Variants in ZNF704 observed in about 807,000 individuals in gnomAD.
The protein encoded by ZNF704 is glucocorticoid induced gene 1.
ZNF704 carries 10 observed loss-of-function variants against 44.7 expected under a neutral mutation model. The ratio of observed to expected loss-of-function variants is 0.22; its 90% CI spans 0.14 to 0.38. The LOEUF is 0.38. Among genes scored for constraint, ZNF704 ranks in the 10% least tolerant of loss-of-function variants. ZNF704 has a pLI of 1.00. For synonymous variants in ZNF704, 211 were observed against 207.6 expected, an observed-to-expected ratio of 1.02 and a Z score of -0.14; for missense variants, 390 against 545.5, an observed-to-expected ratio of 0.71 and a Z score of 2.84.
intron 2 of ZNF704, among the ~76,000 whole-genome samples, chr8:80,794,330 C>G (rs983486507): frequency 2.6e-5 from 4 of 152,096 alleles, no homozygotes; most frequent in Non-Finnish European, 2.9e-5. Flanking sequence ...TAGAGACACT[C>G]ATATAGTAAT....
chr8:80,778,176 C>CAA (rs1435187119), intron 2 of ZNF704, among the ~76,000 whole-genome samples: 2 of 151,830 alleles, frequency 1.3e-5, no homozygotes, highest in African/African-American at 4.8e-5. Context: ...TGAAAGAAAA[C>CAA]ATTAAAAAGT....
chr8:80,720,598 T>G (rs1374086123), intron 2 of ZNF704, among the ~76,000 whole-genome samples: 1 of 152,234 alleles, frequency 6.6e-6, no homozygotes, highest in East Asian at 1.9e-4. Context: ...TGGCCCTTTT[T>G]TTGTTCTAAG....
rs1817627954 is a variant in ZNF704 at position 80,634,010 on chromosome 8, G to T, written c.*7356C>A. ...AAGCAAGGCTTCTGCTGTATCAGAGGTGAAGCAGTGGTAATTTTACTTGGT... is the reference window on the plus strand; with the variant it reads ...AAGCAAGGCTTCTGCTGTATCAGAGTTGAAGCAGTGGTAATTTTACTTGGT... On this transcript the variant is annotated 3_prime_UTR_variant, in exon 9 of 9. Coordinates refer to ENST00000327835, the MANE Select transcript of ZNF704 (RefSeq NM_001033723.3). The T allele has an allele frequency of 6.6e-6, 1 of 152,250 alleles. No homozygotes were observed. Among genetic ancestry groups the T allele is most frequent in the African/African-American group, 2.4e-5 (1 of 41,464 alleles). The allele number at this position is 152,250 out of a possible 1,614,324, so 9.4% of individuals were successfully genotyped here.
chr8:80,653,163 A>G (rs1010215043), intron 7 of ZNF704, among the ~76,000 whole-genome samples: 12 of 152,164 alleles, frequency 7.9e-5, no homozygotes, highest in African/African-American at 1.4e-4. Flanking sequence ...TTGATGGGAC[A>G]TATCTCAAAA....
intron 2 of ZNF704, among the ~76,000 whole-genome samples, chr8:80,740,815 T>C (rs1262591045): frequency 6.6e-6 from 1 of 152,238 alleles, no homozygotes; most frequent in Non-Finnish European, 1.5e-5. Flanking sequence ...CCCCCATCTA[T>C]TTGGCCAGGC....
chr8:80,659,813 T>C (rs1321067036), intron 6 of ZNF704, 124 bp from the exon 7 acceptor site: 2 of 792,590 alleles, frequency 2.5e-6, no homozygotes, highest in Non-Finnish European at 4.1e-6. Context: ...GGACTAATTA[T>C]CTAATAGGAA....
intron 2 of ZNF704, among the ~76,000 whole-genome samples, chr8:80,799,189 T>A (rs1026343299): frequency 6.6e-6 from 1 of 152,182 alleles, no homozygotes; most frequent in African/African-American, 2.4e-5. Flanking sequence ...ATTCAAACCA[T>A]AGGAACTGGA....
chr8:80,686,496 C>T (rs1341351366), intron 4 of ZNF704, among the ~76,000 whole-genome samples: 4 of 152,198 alleles, frequency 2.6e-5, no homozygotes, highest in Non-Finnish European at 5.9e-5. Context: ...ATCCTCCCAC[C>T]TCAGCCTCCT....
chr8:80,725,359 A>G (rs1806459358), intron 2 of ZNF704, among the ~76,000 whole-genome samples: 1 of 152,192 alleles, frequency 6.6e-6, no homozygotes, highest in Admixed American at 6.5e-5. Flanking sequence ...ATTGGAACAT[A>G]AACAATGACC....
upstream of ZNF704, among the ~76,000 whole-genome samples, chr8:80,879,042 C>T (rs561493977): frequency 6.6e-6 from 1 of 152,276 alleles, no homozygotes; most frequent in African/African-American, 2.4e-5. Context: ...CCATGGAACA[C>T]TAGTTAAGTC....
In ZNF704 at chr8:80,664,915, G is replaced by C. The variant is rs140769308; in HGVS notation, c.827C>G (p.Thr276Arg). The C allele has an allele frequency of 9.1e-5, 147 of 1,614,072 alleles. 2 individuals carry two copies. In the Middle Eastern group the frequency reaches 1.6e-3, roughly 18 times the overall value. Residue 276 changes from threonine (T) to arginine (R), a missense_variant, in exon 6 of 9, where the codon ACA becomes AGA. Thr to Arg is a moderately conservative substitution (Grantham distance 71). Transcript: ENST00000327835. Reference sequence around the variant, plus strand: ...CTCCGTTTTGGCACAAGGAGTTTCTGTTCGGCTTGAATCTGGGATGGGGAA... The same window carrying C: ...CTCCGTTTTGGCACAAGGAGTTTCTCTTCGGCTTGAATCTGGGATGGGGAA... ...PTFPIPDSSR[T>R]ETPCAKTETK...
chr8:80,804,608 A>T (rs961141431), intron 2 of ZNF704, among the ~76,000 whole-genome samples: 2 of 152,168 alleles, frequency 1.3e-5, no homozygotes, highest in African/African-American at 4.8e-5. Context: ...GTTCTCACTT[A>T]TAAGTGGGAG....
At chr8:80,696,321 T>G (rs1178655551) in intron 2 of ZNF704, among the ~76,000 whole-genome samples, 1 of 152,232 alleles carries the variant, frequency 6.6e-6, no homozygotes, top group African/African-American at 2.4e-5. Context: ...CAGCCATACT[T>G]GAATAGTATG....
At chr8:80,650,141 T>C (rs1167572517) in intron 7 of ZNF704, among the ~76,000 whole-genome samples, 1 of 152,032 alleles carries the variant, frequency 6.6e-6, no homozygotes, top group African/African-American at 2.4e-5. Flanking sequence ...AGAAAGGACA[T>C]CCACACCAAA....
At chr8:80,855,122 G>A (rs529122569) in intron 1 of ZNF704, among the ~76,000 whole-genome samples, 11 of 152,162 alleles carry the variant, frequency 7.2e-5, no homozygotes, top group African/African-American at 2.6e-4. Flanking sequence ...CGCCTTTCTT[G>A]TTCAATAGTA....
intron 2 of ZNF704, among the ~76,000 whole-genome samples, chr8:80,756,761 C>A (rs779265247): frequency 1.7e-4 from 26 of 152,336 alleles, no homozygotes; most frequent in Admixed American, 8.5e-4. Flanking sequence ...TGAGGTTAAA[C>A]AGTGTTCATG....
intron 7 of ZNF704, among the ~76,000 whole-genome samples, chr8:80,650,790 T>C (rs960402989): frequency 6.6e-6 from 1 of 152,124 alleles, no homozygotes; most frequent in Non-Finnish European, 1.5e-5. Flanking sequence ...GGCAGGCCAA[T>C]ATTCAAATTC....
chr8:80,692,899 G>A, intron 3 of ZNF704, 105 bp downstream of exon 3: 1 of 989,644 alleles, frequency 1.0e-6, no homozygotes, highest in Non-Finnish European at 1.5e-6. Flanking sequence ...GCTAATGGGT[G>A]AGGGTCAGTG....
chr8:80,674,759 C>G (rs1175399523), intron 4 of ZNF704, among the ~76,000 whole-genome samples: 3 of 152,118 alleles, frequency 2.0e-5, no homozygotes, highest in Non-Finnish European at 4.4e-5. Context: ...GTAAATGAAC[C>G]ATATCAAACT....
Sources: allele counts gnomAD v4.1 joint callset (sites outside exome capture counted in the v4.1 genomes callset), GRCh38; gene constraint gnomAD v4.1.1; transcripts MANE v1.5; gene names NCBI Gene and HGNC (gene_info 2026-07-23, HGNC 2026-07-21).